The following CA10 variants were observed in gnomAD, a reference collection of about 807,000 sequenced individuals.
The protein encoded by CA10 is carbonic anhydrase 10 (inactive).
Under a neutral mutation model 44.2 loss-of-function variants are expected in CA10, and 14 were observed. That is an observed-to-expected ratio of 0.32 (90% CI 0.21 to 0.50). The LOEUF (loss-of-function observed/expected upper bound fraction) is 0.50. Ranked by LOEUF, CA10 falls within the 20% of genes least tolerant of loss-of-function variation. The pLI, the probability that CA10 is intolerant of heterozygous loss-of-function variation, is 0.99. For missense variants in CA10, 350 were observed against 409.7 expected, an observed-to-expected ratio of 0.85 and a Z score of 1.26; for synonymous variants, 159 against 141.6, an observed-to-expected ratio of 1.12 and a Z score of -0.87.
intron 2 of CA10, among the ~76,000 whole-genome samples, chr17:51,944,143 A>G (rs1983188011): frequency 6.6e-6 from 1 of 152,214 alleles, no homozygotes; most frequent in South Asian, 2.1e-4. Flanking sequence ...TAGTTCTGTT[A>G]TAGAAAGGGG....
chr17:51,931,787 C>T (rs572451818), intron 2 of CA10, among the ~76,000 whole-genome samples: 1 of 152,230 alleles, frequency 6.6e-6, no homozygotes, highest in South Asian at 2.1e-4. Context: ...AGCACAAATA[C>T]CCAAAGGAAA....
At chr17:52,017,139 C>T (rs927131663) in intron 2 of CA10, among the ~76,000 whole-genome samples, 1 of 152,058 alleles carries the variant, frequency 6.6e-6, no homozygotes, top group Non-Finnish European at 1.5e-5. Flanking sequence ...TCAAATATTC[C>T]TTTATAGCCA....
intron 3 of CA10, among the ~76,000 whole-genome samples, chr17:51,789,153 C>T (rs1303377950): frequency 6.6e-6 from 1 of 152,064 alleles, no homozygotes; most frequent in Non-Finnish European, 1.5e-5. Flanking sequence ...TAGCTGGGAA[C>T]TACAAGCGTG....
chr17:52,085,432 A>G (rs775807082), intron 1 of CA10, among the ~76,000 whole-genome samples: 2 of 152,164 alleles, frequency 1.3e-5, no homozygotes, highest in African/African-American at 2.4e-5. Context: ...GAGTCTTCCT[A>G]TGAAGCTCAT....
At chr17:52,040,123 C>A (rs1986727007) in intron 2 of CA10, among the ~76,000 whole-genome samples, 1 of 149,158 alleles carries the variant, frequency 6.7e-6, no homozygotes, top group Admixed American at 6.7e-5. Flanking sequence ...AATTAAGATC[C>A]CCTTTTTCCT....
rs1174220064 is a variant in CA10, at chr17:51,746,616, A to G, written c.465+1017T>C. ...ATGACATTATACTTTAATGACTTGA[A>G]TGTAGCACTCTTTGAGCTCCTCTGT... On this transcript the variant is annotated intron_variant, in intron 4 of 8. Coordinates refer to ENST00000451037, the MANE Select transcript of CA10 (RefSeq NM_020178.5). Among the ~76,000 whole-genome samples, 5 of 152,214 alleles carry G rather than the reference A, an allele frequency of 3.3e-5. No individual in the cohort carries two copies. The East Asian group carries it at 9.6e-4, about 29-fold the overall frequency.
chr17:51,703,937 T>C (rs1196770575), intron 4 of CA10, among the ~76,000 whole-genome samples: 1 of 27,312 alleles, frequency 3.7e-5, no homozygotes, highest in Non-Finnish European at 5.7e-5. Flanking sequence ...GGCACAGACT[T>C]GGATAAGAAG....
intron 3 of CA10, among the ~76,000 whole-genome samples, chr17:51,921,030 T>C (rs1012951589): frequency 1.3e-5 from 2 of 152,188 alleles, no homozygotes; most frequent in Non-Finnish European, 2.9e-5. Context: ...TGATAGTGGT[T>C]AATAAGAGGA....
chr17:51,799,677 G>A (rs1197267621), intron 3 of CA10, among the ~76,000 whole-genome samples: 1 of 152,136 alleles, frequency 6.6e-6, no homozygotes, highest in Non-Finnish European at 1.5e-5. Context: ...CTAGACTAGG[G>A]TAAAGGCTCA....
At chr17:51,655,255 T>G (rs1026861046) in intron 4 of CA10, among the ~76,000 whole-genome samples, 8 of 152,230 alleles carry the variant, frequency 5.3e-5, no homozygotes, top group Middle Eastern at 3.2e-3. Flanking sequence ...TTCGTGTTGT[T>G]TCCATTTTTT....
intron 2 of CA10, among the ~76,000 whole-genome samples, chr17:51,973,241 G>C (rs113853090): frequency 1.3e-5 from 2 of 152,220 alleles, no homozygotes; most frequent in African/African-American, 2.4e-5. Context: ...TACTGATCCT[G>C]AATTGTTGCC....
At chr17:51,855,448 C>T (rs2143831074) in intron 3 of CA10, among the ~76,000 whole-genome samples, 1 of 152,244 alleles carries the variant, frequency 6.6e-6, no homozygotes, top group African/African-American at 2.4e-5. Flanking sequence ...TTCAATGATG[C>T]TAAATGCAAA....
At chr17:51,892,906 T>C (rs928222142) in intron 3 of CA10, among the ~76,000 whole-genome samples, 20 of 152,140 alleles carry the variant, frequency 1.3e-4, no homozygotes, top group African/African-American at 4.6e-4. Context: ...CAGCTGCAAA[T>C]CCTCAAACTT....
intron 3 of CA10, among the ~76,000 whole-genome samples, chr17:51,845,971 T>C (rs1310720633): frequency 6.6e-6 from 1 of 152,222 alleles, no homozygotes; most frequent in Non-Finnish European, 1.5e-5. Flanking sequence ...TTCAAGGGAA[T>C]TCACATATCT....
intron 1 of CA10, among the ~76,000 whole-genome samples, chr17:52,150,283 C>T (rs76838712): frequency 0.014 from 2,161 of 152,296 alleles, 26 homozygotes; most frequent in Non-Finnish European, 0.023. Context: ...CTCTACCCCT[C>T]CTACTTTCAG....
At chr17:51,726,132 T>C (rs571484082) in intron 4 of CA10, among the ~76,000 whole-genome samples, 1 of 152,320 alleles carries the variant, frequency 6.6e-6, no homozygotes, top group South Asian at 2.1e-4. Context: ...TGAATGCCTA[T>C]GCAAAGGCCT....
intron 4 of CA10, among the ~76,000 whole-genome samples, chr17:51,670,320 G>A (rs1358985824): frequency 6.6e-6 from 1 of 152,068 alleles, no homozygotes; most frequent in African/African-American, 2.4e-5. Flanking sequence ...GTACAGGCAG[G>A]GATTACTGTC....
At chr17:51,709,578 G>A (rs981052223) in intron 4 of CA10, among the ~76,000 whole-genome samples, 1 of 152,204 alleles carries the variant, frequency 6.6e-6, no homozygotes, top group Non-Finnish European at 1.5e-5. Flanking sequence ...TTGACCTCAA[G>A]GTAAGGCTTA....
chr17:52,148,925 A>G (rs964623343), intron 1 of CA10, among the ~76,000 whole-genome samples: 1 of 152,032 alleles, frequency 6.6e-6, no homozygotes, highest in East Asian at 1.9e-4. Context: ...TAACACTGGG[A>G]AAAAAATCTT....
Sources: gnomAD v4.1 joint callset for allele counts (sites outside exome capture counted in the v4.1 genomes callset) on GRCh38, gnomAD v4.1.1 for gene constraint, MANE v1.5 for transcripts, NCBI Gene and HGNC (gene_info 2026-07-23, HGNC 2026-07-21) for gene names.